Variants in CDH12 observed in about 807,000 individuals in gnomAD.
CDH12 encodes the protein cadherin-12.
Under a neutral mutation model 74.1 loss-of-function variants are expected in CDH12, and 41 were observed. That is an observed-to-expected ratio of 0.55 (90% CI 0.43 to 0.72). The LOEUF is 0.72. Ranked by LOEUF, CDH12 falls within the 30% of genes least tolerant of loss-of-function variation. The pLI is 0.00. For missense variants in CDH12, 945 were observed against 977.2 expected (o/e 0.97, Z 0.44); for synonymous variants, 399 against 355.0 (o/e 1.12, Z -1.39).
At position 22,532,375 on chromosome 5, in the gene CDH12, A is replaced by ATATATATG. The variant is rs1178546849; in HGVS notation, c.-522-27012_-522-27011insCATATATA. On this transcript the variant is annotated intron_variant, in intron 1 of 14. Transcript: ENST00000382254. The stretch of plus-strand genomic sequence containing the variant: ...GATATATATATATATATATATATAT[A>ATATATATG]TATGTATGTATCCTATTTTGCTCCT... 4.0e-5 allele frequency among the ~76,000 whole-genome samples: 3 copies of ATATATATG among 75,848 alleles called. 1 individual carries two copies. The highest frequency in any genetic ancestry group is 5.2e-5 in the Non-Finnish European group (2 of 38,192). The allele number at this position is 75,848 out of a possible 152,430, so 49.8% of individuals were successfully genotyped here. A position where few individuals can be genotyped will look rare whatever the true frequency, so the allele number is the denominator to read the frequency against.
At chr5:21,914,204 A>G (rs565829834) in intron 6 of CDH12, among the ~76,000 whole-genome samples, 1 of 152,284 alleles carries the variant, frequency 6.6e-6, no homozygotes, top group Middle Eastern at 3.4e-3. Context: ...AGACGGAATG[A>G]CTGAATCCTT....
intron 1 of CDH12, among the ~76,000 whole-genome samples, chr5:22,849,557 C>G (rs1343639773): frequency 6.6e-6 from 1 of 152,112 alleles, no homozygotes; most frequent in Non-Finnish European, 1.5e-5. Context: ...ATGCATCATT[C>G]AGCCATTTGA....
At chr5:22,459,342 C>T (rs1023529288) in intron 2 of CDH12, among the ~76,000 whole-genome samples, 2 of 150,970 alleles carry the variant, frequency 1.3e-5, no homozygotes, top group African/African-American at 4.9e-5. Context: ...TATTATGTAC[C>T]ATCAATTTTA....
intron 5 of CDH12, among the ~76,000 whole-genome samples, chr5:21,991,503 A>G (rs1757748244): frequency 1.2e-4 from 1 of 8,062 alleles, no homozygotes; most frequent in Non-Finnish European, 2.8e-4. Flanking sequence ...ATATACATTT[A>G]TATATATATG....
chr5:22,781,244 G>A (rs76878543), intron 1 of CDH12, among the ~76,000 whole-genome samples: 7,652 of 152,180 alleles, frequency 0.05, 320 homozygotes, highest in East Asian at 0.18. Context: ...GCTCCTAACC[G>A]TGGCAAGAAG....
chr5:22,147,862 G>C (rs1747309114), intron 4 of CDH12, among the ~76,000 whole-genome samples: 1 of 152,108 alleles, frequency 6.6e-6, no homozygotes, highest in African/African-American at 2.4e-5. Context: ...GCTACAATTC[G>C]AGATAAGATT....
Position 21,932,409 on chromosome 5 carries a change from T to G in CDH12, c.526+42682A>C, listed in dbSNP as rs1754882065. On this transcript the variant is annotated intron_variant, in intron 6 of 14. Coordinates refer to ENST00000382254, the MANE Select transcript of CDH12 (RefSeq NM_004061.5). Reference sequence around the variant, plus strand: ...AAACACAAACATAAATCATTGTGATTAAAATAAAAGTCATTCAATAAAAAA... The same window carrying G: ...AAACACAAACATAAATCATTGTGATGAAAATAAAAGTCATTCAATAAAAAA... Among the ~76,000 whole-genome samples, 4 of 152,308 alleles carry G rather than the reference T, an allele frequency of 2.6e-5. No individual in the cohort carries two copies. The South Asian group carries it at 8.3e-4, about 32-fold the overall frequency.
intron 6 of CDH12, among the ~76,000 whole-genome samples, chr5:21,875,769 AC>A (rs1180476172): frequency 6.6e-6 from 1 of 152,144 alleles, no homozygotes; most frequent in Non-Finnish European, 1.5e-5. Flanking sequence ...TGAGCCTAGT[AC>A]TATGATTGGA....
chr5:22,344,833 TA>T (rs1210915138), intron 3 of CDH12, among the ~76,000 whole-genome samples: 1 of 152,202 alleles, frequency 6.6e-6, no homozygotes, highest in Non-Finnish European at 1.5e-5. Flanking sequence ...GCTCACAAAG[TA>T]ATATGGTACC....
At chr5:22,770,240 G>A (rs1580982828) in intron 1 of CDH12, among the ~76,000 whole-genome samples, 1 of 151,920 alleles carries the variant, frequency 6.6e-6, no homozygotes, top group Non-Finnish European at 1.5e-5. Flanking sequence ...ACACTAATAA[G>A]CATATACTCA....
At chr5:22,367,917 C>A (rs890449057) in intron 3 of CDH12, among the ~76,000 whole-genome samples, 1 of 152,094 alleles carries the variant, frequency 6.6e-6, no homozygotes, top group East Asian at 1.9e-4. Context: ...CAAATTAACA[C>A]ATTTTTTTCC....
intron 1 of CDH12, among the ~76,000 whole-genome samples, chr5:22,549,175 G>T (rs1429566719): frequency 6.6e-6 from 1 of 150,630 alleles, no homozygotes; most frequent in Non-Finnish European, 1.5e-5. Flanking sequence ...GTTTCACTAT[G>T]TTGGCCAGGC....
intron 1 of CDH12, among the ~76,000 whole-genome samples, chr5:22,578,386 TG>T (rs57496264): frequency 0.6 from 87,797 of 145,712 alleles, 26,083 homozygotes; most frequent in East Asian, 0.7. Context: ...TTTGTGTGTG[TG>T]GGGGGGGGGT....
chr5:22,344,838 T>C (rs568400112), intron 3 of CDH12, among the ~76,000 whole-genome samples: 5 of 152,322 alleles, frequency 3.3e-5, no homozygotes, highest in Admixed American at 3.3e-4. Flanking sequence ...CAAAGTAATA[T>C]GGTACCTCAT....
At chr5:22,456,637 GA>G (rs35328771) in intron 2 of CDH12, among the ~76,000 whole-genome samples, 71,165 of 148,866 alleles carry the variant, frequency 0.48, 17,110 homozygotes, top group Admixed American at 0.65. Context: ...TCTTTGAATG[GA>G]AAAAAAAAAA....
At chr5:21,935,451 C>CT in intron 6 of CDH12, among the ~76,000 whole-genome samples, 1 of 152,150 alleles carries the variant, frequency 6.6e-6, no homozygotes, top group Non-Finnish European at 1.5e-5. Flanking sequence ...ACATTTCCCT[C>CT]TTTTTTATTT....
intron 1 of CDH12, among the ~76,000 whole-genome samples, chr5:22,669,112 C>T (rs1000852533): frequency 6.6e-6 from 1 of 152,048 alleles, no homozygotes; most frequent in Non-Finnish European, 1.5e-5. Context: ...TTTCCTTTAG[C>T]CATTTTTCAT....
chr5:21,775,399 A>G (rs900210331), intron 11 of CDH12, among the ~76,000 whole-genome samples: 1 of 152,170 alleles, frequency 6.6e-6, no homozygotes, highest in Non-Finnish European at 1.5e-5. Flanking sequence ...CTGGGGGCAC[A>G]CAGGTAGAGG....
chr5:22,572,186 C>T lies in CDH12; in HGVS notation c.-522-66822G>A, dbSNP rs75716555. Among the ~76,000 whole-genome samples the T allele has an allele frequency of 8.3e-3, 1,259 of 152,124 alleles. 12 individuals are homozygous for T. The highest frequency in any genetic ancestry group is 0.029 in the African/African-American group (1,213 of 41,508). On this transcript the variant is annotated intron_variant, in intron 1 of 14. Coordinates refer to ENST00000382254, the MANE Select transcript of CDH12 (RefSeq NM_004061.5). ...AAAAGTTATATGAGATCTTACCTTG[C>T]CCTAAGATTTCAACTAACTGGACAA...
Sources: allele counts gnomAD v4.1 joint callset (sites outside exome capture counted in the v4.1 genomes callset), GRCh38; gene constraint gnomAD v4.1.1; transcripts MANE v1.5; gene names NCBI Gene and HGNC (gene_info 2026-07-23, HGNC 2026-07-21).